Variants in GANC observed in about 807,000 individuals in gnomAD.
GANC encodes glucosidase alpha, neutral C, also known as neutral alpha-glucosidase C.
A neutral mutation model predicts 124.2 loss-of-function variants in GANC; 117 were observed. The observed-to-expected ratio is 0.94, with a 90% CI of 0.81 to 1.10. The LOEUF is 1.10. Ranked by LOEUF, GANC falls within the 50% of genes least tolerant of loss-of-function variation. The pLI is 0.00. For missense variants in GANC, 1,140 were observed against 1,095.0 expected (o/e 1.04, Z -0.58); for synonymous variants, 377 against 376.8 (o/e 1.00, Z -0.01).
At chr15:42,280,804 C>G (rs2051724213) in intron 3 of GANC, 2 of 613,342 alleles carry the variant, frequency 3.3e-6, no homozygotes, top group African/African-American at 1.8e-5. Context: ...AATGAAAATT[C>G]TCAACACAGC....
At chr15:42,348,603 T>C (rs1355380241) in intron 21 of GANC, among the ~76,000 whole-genome samples, 1 of 152,180 alleles carries the variant, frequency 6.6e-6, no homozygotes, top group Non-Finnish European at 1.5e-5. Flanking sequence ...AACCAGTGAT[T>C]TCTTATCAGG....
intron 6 of GANC, among the ~76,000 whole-genome samples, chr15:42,301,728 G>C (rs774316079): frequency 2.0e-5 from 3 of 152,210 alleles, no homozygotes; most frequent in Non-Finnish European, 4.4e-5. Context: ...AGTCTAAACA[G>C]AGGCACCTGG....
At position 42,340,766 on chromosome 15, in the gene GANC, T is replaced by C. The variant is rs990108467; in HGVS notation, c.2152+12T>C. The C allele has an allele frequency of 1.3e-6, 2 of 1,570,726 alleles. No homozygotes were observed. Among genetic ancestry groups the C allele is most frequent in the African/African-American group, 1.4e-5 (1 of 71,760 alleles). On this transcript the variant is annotated intron_variant, in intron 18 of 23. Coordinates refer to ENST00000318010, the MANE Select transcript of GANC (RefSeq NM_198141.3). ...TGAATACATGCTGGGTGAGCATTTC[T>C]GTTTTTTTTTTTTTTTTTGAGACGG... is the stretch of plus-strand genomic sequence containing the variant.
intron 15 of GANC, among the ~76,000 whole-genome samples, chr15:42,332,535 G>A (rs1010542440): frequency 6.6e-6 from 1 of 152,094 alleles, no homozygotes; most frequent in African/African-American, 2.4e-5. Context: ...ATGATCAATA[G>A]CCATAGAGAA....
chr15:42,345,889 C>A, intron 20 of GANC, 57 bp downstream of exon 20: 1 of 1,231,454 alleles, frequency 8.1e-7, no homozygotes, highest in South Asian at 1.3e-5. Context: ...TCGGCTAGGG[C>A]TGCCATGACA....
In GANC at chr15:42,330,623, G is replaced by GGGT. The variant is rs1262537577; in HGVS notation, c.1692_1693insGGT (p.Glu564_Arg565insGly). ...TGATAAAACGATCTAAAGGGAAGGA[G>GGGT]AGACCCTTTGTTCTTACACGTTCTT... On this transcript the variant is annotated inframe_insertion, in exon 15 of 24. Coordinates refer to ENST00000318010, the MANE Select transcript of GANC (RefSeq NM_198141.3). 6.2e-7 allele frequency: 1 copy of GGGT among 1,612,080 alleles called. No individual in the cohort carries two copies.
chr15:42,273,413 A>G lies in GANC; in HGVS notation c.-1069A>G, dbSNP rs779188133. The G allele has an allele frequency of 6.2e-7, 1 of 1,613,688 alleles. No individual in the cohort carries two copies. The highest frequency in any genetic ancestry group is 1.7e-5 in the Admixed American group (1 of 60,008). ...GCCGCCGCCATCTTCACAGCCGTGG[A>G]GTGCCTACCGAAAGCATTTCACCCT... On this transcript the variant is annotated 5_prime_UTR_variant, in exon 1 of 24. Coordinates refer to ENST00000318010, the MANE Select transcript of GANC (RefSeq NM_198141.3).
chr15:42,325,260 G>A (rs1405491047), intron 11 of GANC, among the ~76,000 whole-genome samples: 8 of 151,894 alleles, frequency 5.3e-5, no homozygotes, highest in Non-Finnish European at 7.4e-5. Flanking sequence ...GCGACAGAGC[G>A]AGACTCTGTC....
intron 11 of GANC, among the ~76,000 whole-genome samples, chr15:42,325,405 G>A (rs2052191109): frequency 6.6e-6 from 1 of 152,192 alleles, no homozygotes; most frequent in Non-Finnish European, 1.5e-5. Flanking sequence ...AAGTGTTATT[G>A]AGGCCCTAGA....
intron 5 of GANC, 129 bp from the exon 6 acceptor site, chr15:42,297,479 AATG>A (rs2051902330): frequency 1.8e-5 from 10 of 563,726 alleles, no homozygotes; most frequent in South Asian, 1.7e-4. Flanking sequence ...TTATTTTTAT[AATG>A]ATGTTATATT....
chr15:42,310,231 A>C (rs2052036994), intron 8 of GANC, 52 bp from the exon 9 acceptor site: 1 of 1,312,836 alleles, frequency 7.6e-7, no homozygotes, highest in South Asian at 1.6e-5. Context: ...TCTATTTATT[A>C]ATATTAATAA....
At chr15:42,331,707 A>G (rs1281106394) in intron 15 of GANC, among the ~76,000 whole-genome samples, 1 of 152,242 alleles carries the variant, frequency 6.6e-6, no homozygotes, top group African/African-American at 2.4e-5. Flanking sequence ...AAAAGTAAGA[A>G]AGAAAATCTA....
At chr15:42,343,250 C>A in intron 19 of GANC, 96 bp downstream of exon 19, 1 of 1,057,276 alleles carries the variant, frequency 9.5e-7, no homozygotes, top group South Asian at 1.3e-5. Context: ...TGTTTGTGAA[C>A]ACACCCCAGA....
At chr15:42,343,288 A>G (rs550073937) in intron 19 of GANC, 134 bp downstream of exon 19, 1 of 722,300 alleles carries the variant, frequency 1.4e-6, no homozygotes, top group African/African-American at 1.8e-5. Context: ...TATTATAATA[A>G]GTCATGACCA....
intron 10 of GANC, among the ~76,000 whole-genome samples, chr15:42,316,166 T>C (rs890100581): frequency 6.6e-6 from 1 of 152,088 alleles, no homozygotes; most frequent in South Asian, 2.1e-4. Flanking sequence ...ATGCCAATGA[T>C]CACTGTAGCA....
At position 42,306,564 on chromosome 15, in the gene GANC, G is replaced by T; in HGVS notation, c.577G>T (p.Gly193Cys). 6.2e-7 allele frequency: 1 copy of T among 1,612,744 alleles called. No homozygotes were observed. The highest frequency in any genetic ancestry group is 8.5e-7 in the Non-Finnish European group (1 of 1,179,486). Residue 193 changes from glycine to cysteine, a missense_variant, in exon 7 of 24, where the codon GGC becomes TGC. Transcript: ENST00000318010. ...DTSQENQEDL[G>C]LWEEKFGKFV... The stretch of plus-strand genomic sequence containing the variant: ...CCAACAGGAAAATCAAGAAGATCTG[G>T]GCCTGTGGGAAGAGAAATTTGGAAA...
chr15:42,294,977 T>G lies in GANC; in HGVS notation c.512+2060T>G, dbSNP rs563364168. Reference sequence around the variant, plus strand: ...AGATGGTTTGTGCATTTGTAGTTTTTTTTTTTTTTTTTGAGATGGAGTCTC... The same window carrying G: ...AGATGGTTTGTGCATTTGTAGTTTTGTTTTTTTTTTTTGAGATGGAGTCTC... On this transcript the variant is annotated intron_variant, in intron 5 of 23. Transcript: ENST00000318010. 3.1e-4 allele frequency among the ~76,000 whole-genome samples: 46 copies of G among 148,878 alleles called. 1 individual carries two copies. Among genetic ancestry groups the G allele is most frequent in the African/African-American group, 1.1e-3 (43 of 39,966 alleles).
intron 15 of GANC, 46 bp from the exon 16 acceptor site, chr15:42,338,343 C>G (rs768765023): frequency 7.5e-7 from 1 of 1,333,780 alleles, no homozygotes; most frequent in South Asian, 1.2e-5. Flanking sequence ...AAATTGAACG[C>G]ATGGGTTGAT....
chr15:42,287,156 A>G (rs1289843701), intron 3 of GANC, among the ~76,000 whole-genome samples: 2 of 152,208 alleles, frequency 1.3e-5, no homozygotes, highest in Admixed American at 1.3e-4. Context: ...TGAAAAATCA[A>G]TTCCAGTTTG....
Sources: gnomAD v4.1 joint callset for allele counts (sites outside exome capture counted in the v4.1 genomes callset) on GRCh38, gnomAD v4.1.1 for gene constraint, MANE v1.5 for transcripts, NCBI Gene and HGNC (gene_info 2026-07-23, HGNC 2026-07-21) for gene names.